CRADD: variants seen among roughly 807,000 people sequenced by gnomAD.
CRADD encodes the protein death domain-containing protein CRADD.
CRADD carries 9 observed loss-of-function variants against 15.5 expected under a neutral mutation model. That is an observed-to-expected ratio of 0.58 (90% CI 0.35 to 1.01). CRADD has a LOEUF of 1.01. Among genes scored for constraint, CRADD ranks in the 50% least tolerant of loss-of-function variants. CRADD has a pLI of 0.02. For synonymous variants in CRADD, 118 were observed against 107.6 expected (o/e 1.10, Z -0.60); for missense variants, 227 against 250.3 (o/e 0.91, Z 0.63).
At chr12:93,845,145 A>G (rs938887083) in intron 2 of CRADD, among the ~76,000 whole-genome samples, 1 of 152,152 alleles carries the variant, frequency 6.6e-6, no homozygotes, top group Non-Finnish European at 1.5e-5. Flanking sequence ...CCTCCAAAAG[A>G]GGACAGAGTA....
chr12:93,782,862 T>C (rs1957227494), intron 2 of CRADD, among the ~76,000 whole-genome samples: 1 of 152,160 alleles, frequency 6.6e-6, no homozygotes, highest in South Asian at 2.1e-4. Context: ...TAAAAAATAC[T>C]CCTTCAAAAG....
chr12:93,886,162 C>CGTTTTTTTTTTTTTTTTTTTTTTTT (rs1555231623), intron 2 of CRADD, among the ~76,000 whole-genome samples: 1 of 123,948 alleles, frequency 8.1e-6, no homozygotes, highest in African/African-American at 3.0e-5. Context: ...GCTGCTGATG[C>CGTTTTTTTTTTTTTTTTTTTTTTTT]TTTTTTTTTT....
intron 2 of CRADD, among the ~76,000 whole-genome samples, chr12:93,833,026 T>C (rs1345119309): frequency 6.6e-6 from 1 of 152,224 alleles, no homozygotes; most frequent in Non-Finnish European, 1.5e-5. Flanking sequence ...GAATTTGTGA[T>C]TTAGAAATAT....
At chr12:93,726,584 A>G (rs988545009) in intron 2 of CRADD, among the ~76,000 whole-genome samples, 1 of 152,204 alleles carries the variant, frequency 6.6e-6, no homozygotes, top group Non-Finnish European at 1.5e-5. Flanking sequence ...ACATCTCTTT[A>G]TCAGGAAAGG....
intron 2 of CRADD, among the ~76,000 whole-genome samples, chr12:93,801,905 C>T (rs118100125): frequency 0.013 from 2,036 of 152,292 alleles, 25 homozygotes; most frequent in Non-Finnish European, 0.021. Flanking sequence ...CTTCTGAATC[C>T]TCATAGCTTA....
Position 93,850,682 on chromosome 12 carries a change from G to A in CRADD, c.*411G>A. 1 of 983,282 alleles carries A rather than the reference G, an allele frequency of 1.0e-6. No individual in the cohort carries two copies. The highest frequency in any genetic ancestry group is 1.2e-6 in the Non-Finnish European group (1 of 828,196). The allele number at this position is 983,282 out of a possible 1,614,324, so 60.9% of individuals were successfully genotyped here. On this transcript the variant is annotated 3_prime_UTR_variant, in exon 3 of 3. Transcript: ENST00000332896. This position sits in a 1 kb window ranked among gnomAD's most constrained non-coding sequence, Gnocchi z 4.0. ...CTGAATGTTGTCTGAGGACTGAACT[G>A]TGGACTTTACTATTCATAATGATAA...
intron 2 of CRADD, among the ~76,000 whole-genome samples, chr12:93,746,280 A>G (rs1332839028): frequency 6.6e-6 from 1 of 152,230 alleles, no homozygotes; most frequent in Non-Finnish European, 1.5e-5. Context: ...CTGAGTTGCA[A>G]TAAAAATCAT....
At chr12:93,782,861 C>G (rs1381337969) in intron 2 of CRADD, among the ~76,000 whole-genome samples, 2 of 152,028 alleles carry the variant, frequency 1.3e-5, no homozygotes, top group Non-Finnish European at 2.9e-5. Context: ...TTAAAAAATA[C>G]TCCTTCAAAA....
At chr12:93,853,937 T>C (rs954738950), downstream of CRADD, among the ~76,000 whole-genome samples, 1 of 152,218 alleles carries the variant, frequency 6.6e-6, no homozygotes, top group African/African-American at 2.4e-5. Context: ...TTTTCATTGT[T>C]ATAAACAGTG....
chr12:93,755,151 A>G (rs1489211487), intron 2 of CRADD, among the ~76,000 whole-genome samples: 3 of 152,166 alleles, frequency 2.0e-5, no homozygotes, highest in African/African-American at 4.8e-5. Flanking sequence ...CCATGAGAAC[A>G]GCATGGGAAA....
chr12:93,817,601 C>T (rs1957720057), intron 2 of CRADD, among the ~76,000 whole-genome samples: 1 of 152,078 alleles, frequency 6.6e-6, no homozygotes, highest in Non-Finnish European at 1.5e-5. Flanking sequence ...TCCTCTTCTT[C>T]ATGACATATT....
At chr12:93,684,619 A>G (rs1353764440) in intron 2 of CRADD, among the ~76,000 whole-genome samples, 1 of 152,212 alleles carries the variant, frequency 6.6e-6, no homozygotes, top group Non-Finnish European at 1.5e-5. Flanking sequence ...ATTCTAGTAG[A>G]GGGAGGGGAT....
chr12:93,757,239 T>C (rs1356301363), intron 2 of CRADD, among the ~76,000 whole-genome samples: 1 of 152,228 alleles, frequency 6.6e-6, no homozygotes, highest in Non-Finnish European at 1.5e-5. Flanking sequence ...GAGTTTTCAT[T>C]ATGCCGAAGA....
chr12:93,889,658 A>G (rs1958562985), intron 2 of CRADD, among the ~76,000 whole-genome samples: 1 of 152,180 alleles, frequency 6.6e-6, no homozygotes, highest in African/African-American at 2.4e-5. Flanking sequence ...GTTGTAAGTC[A>G]TAGCCCAATC....
intron 2 of CRADD, among the ~76,000 whole-genome samples, chr12:93,796,838 C>T (rs1464588973): frequency 6.6e-6 from 1 of 152,098 alleles, no homozygotes; most frequent in Non-Finnish European, 1.5e-5. Flanking sequence ...TCTATTAGAG[C>T]TCTAACCCTT....
chr12:93,767,564 C>T (rs1400249286), intron 2 of CRADD, among the ~76,000 whole-genome samples: 1 of 152,180 alleles, frequency 6.6e-6, no homozygotes, highest in East Asian at 1.9e-4. Context: ...TTCACAGCAA[C>T]TGTTTGCAGT....
At chr12:93,768,097 G>A (rs928199109) in intron 2 of CRADD, among the ~76,000 whole-genome samples, 3 of 152,056 alleles carry the variant, frequency 2.0e-5, no homozygotes, top group South Asian at 2.1e-4. Context: ...TATGCCAATC[G>A]AACTTACTGT....
At chr12:93,796,855 CCT>C (rs1389691005) in intron 2 of CRADD, among the ~76,000 whole-genome samples, 1 of 152,078 alleles carries the variant, frequency 6.6e-6, no homozygotes, top group Admixed American at 6.5e-5. Flanking sequence ...CCTTTGCAAA[CCT>C]CTCTTCTGCC....
At chr12:93,796,044 T>C (rs558204692) in intron 2 of CRADD, among the ~76,000 whole-genome samples, 1 of 152,210 alleles carries the variant, frequency 6.6e-6, no homozygotes. Context: ...TTGGAACTGC[T>C]AAATATTATC....
Sources: allele counts gnomAD v4.1 joint callset (sites outside exome capture counted in the v4.1 genomes callset), GRCh38; gene constraint gnomAD v4.1.1; non-coding constraint Gnocchi (gnomAD v3.1); transcripts MANE v1.5; gene names NCBI Gene and HGNC (gene_info 2026-07-23, HGNC 2026-07-21).